Variants in CDH13 observed in about 807,000 individuals in gnomAD.
CDH13 encodes cadherin 13, also known as cadherin-13.
CDH13 carries 24 observed loss-of-function variants against 63.8 expected under a neutral mutation model. The ratio of observed to expected loss-of-function variants is 0.38; its 90% CI spans 0.27 to 0.53. The LOEUF (loss-of-function observed/expected upper bound fraction) is 0.53, where lower values mean the gene tolerates loss of function less well. CDH13 is among the 20% of genes least tolerant of loss of function. The pLI, the probability that CDH13 is intolerant of heterozygous loss-of-function variation, is 0.85. For missense variants in CDH13, 1,049 were observed against 903.1 expected (o/e 1.16, Z -2.07); for synonymous variants, 503 against 355.3 (o/e 1.42, Z -4.67).
intron 2 of CDH13, among the ~76,000 whole-genome samples, chr16:82,931,290 C>T (rs1870595643): frequency 6.6e-6 from 1 of 152,134 alleles, no homozygotes; most frequent in Non-Finnish European, 1.5e-5. Flanking sequence ...TTTTTGAAAG[C>T]GTGTCTGATA....
At chr16:83,031,264 A>G (rs935722026) in intron 2 of CDH13, among the ~76,000 whole-genome samples, 2 of 145,954 alleles carry the variant, frequency 1.4e-5, no homozygotes, top group African/African-American at 5.0e-5. Flanking sequence ...TACACCATAT[A>G]CATGCGCATG....
chr16:82,764,815 CTT>C (rs567333858), intron 1 of CDH13, among the ~76,000 whole-genome samples: 19 of 135,194 alleles, frequency 1.4e-4, no homozygotes, highest in Admixed American at 1.5e-4. Flanking sequence ...TTCATTCATT[CTT>C]TTTTTTTTTT....
intron 6 of CDH13, among the ~76,000 whole-genome samples, chr16:83,411,309 A>C (rs779071450): frequency 5.3e-5 from 8 of 152,014 alleles, no homozygotes; most frequent in Non-Finnish European, 8.8e-5. Flanking sequence ...ATCCCCCTTT[A>C]CTGTGTTCCA....
At chr16:83,111,749 T>C (rs1402438159) in intron 3 of CDH13, among the ~76,000 whole-genome samples, 1 of 152,228 alleles carries the variant, frequency 6.6e-6, no homozygotes, top group Non-Finnish European at 1.5e-5. Context: ...TAGATCGTCA[T>C]AACTTGGCTT....
intron 4 of CDH13, among the ~76,000 whole-genome samples, chr16:83,164,304 C>T (rs557038061): frequency 6.6e-6 from 1 of 152,078 alleles, no homozygotes; most frequent in South Asian, 2.1e-4. Flanking sequence ...CATCACACAC[C>T]ACACACTACA....
intron 1 of CDH13, among the ~76,000 whole-genome samples, chr16:82,647,156 G>A (rs1910190699): frequency 6.6e-6 from 1 of 152,182 alleles, no homozygotes; most frequent in South Asian, 2.1e-4. Flanking sequence ...TCAGTTACCA[G>A]ATCTATGAAA....
At chr16:82,748,936 C>T (rs371008037) in intron 1 of CDH13, among the ~76,000 whole-genome samples, 8 of 152,166 alleles carry the variant, frequency 5.3e-5, no homozygotes, top group East Asian at 3.9e-4. Context: ...ACTAATTGTC[C>T]GGTCTCAGCG....
chr16:83,142,574 T>C (rs2036579446), intron 4 of CDH13, among the ~76,000 whole-genome samples: 1 of 152,202 alleles, frequency 6.6e-6, no homozygotes, highest in Non-Finnish European at 1.5e-5. Context: ...CTTCCTCATG[T>C]GTAGCCGTTC....
chr16:83,456,930 C>G (rs181725420), intron 6 of CDH13, among the ~76,000 whole-genome samples: 367 of 152,264 alleles, frequency 2.4e-3, no homozygotes, highest in Non-Finnish European at 3.6e-3. Flanking sequence ...CCACTGCACT[C>G]CAGCCTGGGT....
intron 3 of CDH13, among the ~76,000 whole-genome samples, chr16:83,038,040 A>G (rs940527491): frequency 2.0e-5 from 3 of 152,172 alleles, no homozygotes; most frequent in Admixed American, 2.0e-4. Flanking sequence ...AGTAAAGCCA[A>G]TGAAAAGAAA....
intron 3 of CDH13, among the ~76,000 whole-genome samples, chr16:83,122,462 T>A (rs548952005): frequency 2.6e-5 from 4 of 152,248 alleles, no homozygotes; most frequent in African/African-American, 9.6e-5. Context: ...CCTGACAGTG[T>A]CACTCCAATA....
intron 10 of CDH13, among the ~76,000 whole-genome samples, chr16:83,680,504 A>T (rs1169904633): frequency 6.6e-6 from 1 of 152,062 alleles, no homozygotes; most frequent in African/African-American, 2.4e-5. Flanking sequence ...TGCCTGGGAG[A>T]GCTGAGACAT....
chr16:83,634,117 C>CTGTGTG (rs1491184759), intron 8 of CDH13, among the ~76,000 whole-genome samples: 3,519 of 77,032 alleles, frequency 0.046, 69 homozygotes, highest in Middle Eastern at 0.062. Context: ...TGTGTGTTTT[C>CTGTGTG]TGTGTGTGTG....
At chr16:82,947,004 CTGTGTGTGTGTGTGTGTGTGTGTGTG>C (rs3223223) in intron 2 of CDH13, among the ~76,000 whole-genome samples, 1 of 134,920 alleles carries the variant, frequency 7.4e-6, no homozygotes, top group Admixed American at 7.3e-5. Flanking sequence ...GTGCGCACGC[CTGTGTGTGTGTGTGTGTGTGTGTGTG>C]TGTGTGTGTG....
At chr16:83,454,188 G>C (rs2072960441) in intron 6 of CDH13, among the ~76,000 whole-genome samples, 2 of 152,188 alleles carry the variant, frequency 1.3e-5, no homozygotes. Flanking sequence ...ACTCACCTCA[G>C]AAAAGGAACC....
chr16:82,775,099 A>G (rs1424544041), intron 1 of CDH13, among the ~76,000 whole-genome samples: 5 of 152,178 alleles, frequency 3.3e-5, no homozygotes, highest in Admixed American at 6.5e-5. Flanking sequence ...TCTACCACTC[A>G]CTTGGGACTG....
chr16:82,955,874 G>T (rs1473405053), intron 2 of CDH13, among the ~76,000 whole-genome samples: 3 of 152,182 alleles, frequency 2.0e-5, no homozygotes, highest in African/African-American at 7.2e-5. Flanking sequence ...TGTAAATAAA[G>T]AGACAAAGAA....
intron 1 of CDH13, among the ~76,000 whole-genome samples, chr16:82,655,838 G>A (rs564439397): frequency 4.6e-5 from 7 of 152,140 alleles, no homozygotes; most frequent in East Asian, 1.9e-4. Context: ...AGGCAAGGTC[G>A]CCCAGATAGG....
At chr16:83,559,868 G>C (rs540688181) in intron 7 of CDH13, among the ~76,000 whole-genome samples, 23 of 152,148 alleles carry the variant, frequency 1.5e-4, no homozygotes, top group African/African-American at 5.5e-4. Context: ...CTCTGATTAA[G>C]AAAGAATTAG....
Sources: allele counts gnomAD v4.1 joint callset (sites outside exome capture counted in the v4.1 genomes callset), GRCh38; gene constraint gnomAD v4.1.1; transcripts MANE v1.5; gene names NCBI Gene and HGNC (gene_info 2026-07-23, HGNC 2026-07-21).